The following TRIM37 variants were observed in gnomAD, a reference collection of about 807,000 sequenced individuals.
TRIM37 encodes tripartite motif containing 37.
In TRIM37, 80 loss-of-function variants were observed where a neutral mutation model predicts 129.8. That is an observed-to-expected ratio of 0.62 (90% confidence interval 0.51 to 0.74). TRIM37 has a LOEUF of 0.74. Among genes scored for constraint, TRIM37 ranks in the 30% least tolerant of loss-of-function variants. TRIM37 has a pLI of 0.00. For missense variants in TRIM37, 1,054 were observed against 1,176.5 expected (o/e 0.90, Z 1.52); for synonymous variants, 389 against 387.1 (o/e 1.00, Z -0.06).
chr17:59,015,530 T>A, intron 21 of TRIM37, 80 bp downstream of exon 21: 2 of 1,349,022 alleles, frequency 1.5e-6, no homozygotes, highest in Non-Finnish European at 2.1e-6. Flanking sequence ...AATTAATTTG[T>A]TCATCATGAT....
intron 22 of TRIM37, among the ~76,000 whole-genome samples, chr17:59,008,343 T>A (rs912022337): frequency 6.6e-6 from 1 of 152,258 alleles, no homozygotes; most frequent in African/African-American, 2.4e-5. Context: ...AAAGATAAAA[T>A]GTGTTACTGA....
rs931814733 is a variant in TRIM37, at chr17:59,032,296, C to T, written c.1754-206G>A. ...ATCCCAGCACTTTGGGAGGCCGAGG[C>T]GGGTGGATCATGAGGTCAGGAGATC... is the stretch of plus-strand genomic sequence containing the variant. On this transcript the variant is annotated intron_variant, in intron 17 of 23. Coordinates refer to ENST00000262294, the MANE Select transcript of TRIM37 (RefSeq NM_015294.6). Among the ~76,000 whole-genome samples the T allele has an allele frequency of 5.9e-5, 9 of 151,580 alleles. 1 individual carries two copies. Among genetic ancestry groups the T allele is most frequent in the Admixed American group, 1.3e-4 (2 of 15,218 alleles).
At position 59,091,828 on chromosome 17, in the gene TRIM37, A is replaced by C. The variant is rs141790340; in HGVS notation, c.124-488T>G. Among the ~76,000 whole-genome samples, 356 of 151,412 alleles carry C rather than the reference A, an allele frequency of 2.4e-3. 4 individuals are homozygous for C. Among genetic ancestry groups the C allele is most frequent in the African/African-American group, 8.2e-3 (340 of 41,346 alleles). ...AGCTGTTAAAAGGCTACTCTCACAC[A>C]GGAAAAGCAATGATTTCAGGACTAA... On this transcript the variant is annotated intron_variant, in intron 2 of 23. Transcript: ENST00000262294.
chr17:58,983,101 G>A (rs2031466794), intron 24 of TRIM37: 18 of 549,894 alleles, frequency 3.3e-5, no homozygotes, highest in South Asian at 5.2e-5. Context: ...TTCTCAGTGG[G>A]GAAAAAAATG....
intron 24 of TRIM37, among the ~76,000 whole-genome samples, chr17:58,992,245 T>C (rs1183048801): frequency 2.2e-4 from 5 of 22,956 alleles, no homozygotes; most frequent in Non-Finnish European, 1.1e-3. Context: ...CCAGGCACAC[T>C]GATATATATA....
intron 17 of TRIM37, among the ~76,000 whole-genome samples, chr17:59,037,792 CT>C (rs1252981097): frequency 5.9e-5 from 9 of 151,846 alleles, no homozygotes; most frequent in African/African-American, 2.2e-4. Context: ...TAGTTTTCCC[CT>C]AATGTTCTTT....
At position 58,998,762 on chromosome 17, in the gene TRIM37, C is replaced by T. The variant is rs1161261017; in HGVS notation, c.*615G>A. The T allele has an allele frequency of 3.0e-6, 3 of 985,716 alleles. No individual in the cohort carries two copies. Among genetic ancestry groups the T allele is most frequent in the Admixed American group, 6.1e-5 (1 of 16,326 alleles). The allele number at this position is 985,716 out of a possible 1,614,324, so 61.1% of individuals were successfully genotyped here. A position where few individuals can be genotyped will look rare whatever the true frequency, so the allele number is the denominator to read the frequency against. ...TAAAATTACATTTGTAGAAGTCACA[C>T]AACAGAAAGATACCATGCGGTTGAA... On this transcript the variant is annotated 3_prime_UTR_variant, in exon 24 of 24. Coordinates refer to ENST00000262294, the MANE Select transcript of TRIM37 (RefSeq NM_015294.6).
intron 7 of TRIM37, 29 bp from the exon 8 acceptor site, chr17:59,075,743 T>C: frequency 6.7e-7 from 1 of 1,489,882 alleles, no homozygotes; most frequent in Non-Finnish European, 9.4e-7. Context: ...TCATCAACAC[T>C]TGGGTTCATT....
chr17:58,986,103 A>G (rs1418061098), intron 24 of TRIM37, among the ~76,000 whole-genome samples: 1 of 152,046 alleles, frequency 6.6e-6, no homozygotes, highest in African/African-American at 2.4e-5. Context: ...AATTTACCCA[A>G]GTTACCAAAT....
rs779874648 is a variant in TRIM37 at position 59,028,511 on chromosome 17, G to C, written c.2161C>G (p.Leu721Val). Residue 721 changes from leucine to valine, a missense_variant, in exon 19 of 24, where the codon CTG becomes GTG. Around this residue, in one of 3 missense-constraint regions of TRIM37, gnomAD observed 15 missense variants for 31.4 expected, o/e 0.48. Coordinates refer to ENST00000262294, the MANE Select transcript of TRIM37 (RefSeq NM_015294.6). Reference protein sequence around the residue: ...TSLFSADQAALAACGTENSGR... With the variant: ...TSLFSADQAAVAACGTENSGR... ...GAGTTTTCAGTTCCACATGCAGCCA[G>C]AGCTGCCTGGTCAGCAGAAAAAAGG... 6.2e-7 allele frequency: 1 copy of C among 1,614,152 alleles called. No homozygotes were observed. The highest frequency in any genetic ancestry group is 8.5e-7 in the Non-Finnish European group (1 of 1,180,000).
At chr17:58,971,047 A>G in the TRIM37 span, among the ~76,000 whole-genome samples, 2,941 of 151,910 alleles carry the variant, frequency 0.019, 90 homozygotes, top group African/African-American at 0.067. Flanking sequence ...AGTTCTGCCA[A>G]TAGTTCTGAA....
At chr17:59,025,753 T>C (rs1324539142) in intron 19 of TRIM37, among the ~76,000 whole-genome samples, 1 of 152,204 alleles carries the variant, frequency 6.6e-6, no homozygotes, top group Non-Finnish European at 1.5e-5. Context: ...GCCTGTGCTG[T>C]TCAAGGGTCA....
intron 5 of TRIM37, 72 bp downstream of exon 5, chr17:59,083,930 T>C: frequency 8.1e-7 from 1 of 1,227,662 alleles, no homozygotes. Flanking sequence ...TGACACTATT[T>C]TCTATCTGAA....
At chr17:59,046,564 G>T (rs1205582019) in intron 16 of TRIM37, among the ~76,000 whole-genome samples, 1 of 76,240 alleles carries the variant, frequency 1.3e-5, no homozygotes, top group East Asian at 4.2e-4. Context: ...TTGAGACAGA[G>T]TCTCAACTGT....
At chr17:58,969,154 T>A in the TRIM37 span, among the ~76,000 whole-genome samples, 1 of 152,196 alleles carries the variant, frequency 6.6e-6, no homozygotes, top group South Asian at 2.1e-4. Context: ...AAAAAATCAC[T>A]CAATCTGGAG....
At chr17:59,069,905 G>A (rs1438033738) in intron 9 of TRIM37, among the ~76,000 whole-genome samples, 2 of 152,206 alleles carry the variant, frequency 1.3e-5, no homozygotes, top group Non-Finnish European at 2.9e-5. Context: ...AAAGAAGGCA[G>A]CTGTCTGCAA....
At chr17:59,025,087 C>A (rs2037080743) in intron 19 of TRIM37, among the ~76,000 whole-genome samples, 1 of 152,274 alleles carries the variant, frequency 6.6e-6, no homozygotes, top group Admixed American at 6.5e-5. Flanking sequence ...GTTGTTTCGA[C>A]CTCTATGAGT....
the TRIM37 span, chr17:58,969,462 C>A: frequency 7.1e-7 from 1 of 1,405,554 alleles, no homozygotes; most frequent in Non-Finnish European, 1.0e-6. Flanking sequence ...GGATGGGCAA[C>A]AATGATGCCA....
Position 59,061,032 on chromosome 17 carries a change from TTAG to T in TRIM37, c.1016_1018del (p.Ser339_Lys340delinsTer). On this transcript the variant is annotated stop_gained and inframe_deletion and splice_region_variant, in exon 12 of 24. Transcript: ENST00000262294. LOFTEE classifies it high-confidence loss of function. ...GTTGTTATTTAATTACACTTCTTAC[TTAG>T]AAGTTTCAGGCAAGCCAGCTGAGAG... 3 of 1,612,506 alleles carry T rather than the reference TTAG, an allele frequency of 1.9e-6. No homozygotes were observed. Among genetic ancestry groups the T allele is most frequent in the Non-Finnish European group, 2.5e-6 (3 of 1,178,724 alleles).
Sources: allele counts gnomAD v4.1 joint callset (sites outside exome capture counted in the v4.1 genomes callset), GRCh38; gene constraint gnomAD v4.1.1; regional missense constraint gnomAD v4.1.1; transcripts MANE v1.5; gene names NCBI Gene and HGNC (gene_info 2026-07-23, HGNC 2026-07-21).